Variants in CFAP57 observed in about 807,000 individuals in gnomAD.
The protein encoded by CFAP57 is cilia- and flagella-associated protein 57.
In CFAP57, 116 loss-of-function variants were observed where a neutral mutation model predicts 146.8. That is an observed-to-expected ratio of 0.79 (90% CI 0.68 to 0.92). The LOEUF (loss-of-function observed/expected upper bound fraction) is 0.92. Among genes scored for constraint, CFAP57 ranks in the 40% least tolerant of loss-of-function variants. The pLI, the probability that CFAP57 is intolerant of heterozygous loss-of-function variation, is 0.00. For missense variants in CFAP57, 1,377 were observed against 1,527.2 expected (o/e 0.90, Z 1.64); for synonymous variants, 518 against 552.8 (o/e 0.94, Z 0.88).
intron 21 of CFAP57, among the ~76,000 whole-genome samples, chr1:43,241,219 C>T (rs1353831461): frequency 6.6e-6 from 1 of 152,200 alleles, no homozygotes; most frequent in Non-Finnish European, 1.5e-5. Context: ...CCAAGCCCTT[C>T]ATGAGGAATC....
intron 2 of CFAP57, among the ~76,000 whole-genome samples, chr1:43,179,030 C>G (rs1388645631): frequency 6.6e-6 from 1 of 151,978 alleles, no homozygotes; most frequent in Non-Finnish European, 1.5e-5. Flanking sequence ...CAAACTGTCG[C>G]AAGGACAAAA....
At chr1:43,218,127 G>C (rs999402972) in intron 12 of CFAP57, among the ~76,000 whole-genome samples, 4 of 152,232 alleles carry the variant, frequency 2.6e-5, no homozygotes, top group Non-Finnish European at 5.9e-5. Context: ...TCGTTCACAG[G>C]TGGTAGAGGA....
chr1:43,204,990 T>A (rs781520304), intron 9 of CFAP57, among the ~76,000 whole-genome samples: 31 of 152,210 alleles, frequency 2.0e-4, no homozygotes, highest in Admixed American at 3.3e-4. Flanking sequence ...AGGCCCGTTG[T>A]GCCAGTGAGA....
At chr1:43,172,585 C>CAAGGGGAGGGGA (rs760304782) in intron 1 of CFAP57, 132 bp downstream of exon 1, 8 of 390,800 alleles carry the variant, frequency 2.0e-5, no homozygotes, top group African/African-American at 3.5e-5. Context: ...AGGGGAGGGA[C>CAAGGGGAGGGGA]AAGGGGAGGG....
intron 6 of CFAP57, among the ~76,000 whole-genome samples, chr1:43,192,743 G>C (rs7533042): frequency 0.18 from 27,355 of 151,232 alleles, 3,568 homozygotes; most frequent in African/African-American, 0.35. Context: ...TGACCAACAT[G>C]GCGAAACCCA....
chr1:43,250,453 AG>A (rs1484715768), intron 22 of CFAP57: 3 of 152,250 alleles, frequency 2.0e-5, no homozygotes, highest in African/African-American at 7.2e-5. Flanking sequence ...TGCTTAGAAC[AG>A]CAGCACAAAA....
chr1:43,232,430 T>A, intron 18 of CFAP57, 78 bp from the exon 19 acceptor site: 1 of 1,263,466 alleles, frequency 7.9e-7, no homozygotes, highest in Non-Finnish European at 1.1e-6. Context: ...GCATCCCCAC[T>A]GAAAGACTAC....
At chr1:43,221,829 C>T (rs1645056763) in intron 14 of CFAP57, among the ~76,000 whole-genome samples, 1 of 152,216 alleles carries the variant, frequency 6.6e-6, no homozygotes, top group Non-Finnish European at 1.5e-5. Context: ...TTTTCACACT[C>T]AGGATATTCT....
intron 13 of CFAP57, among the ~76,000 whole-genome samples, chr1:43,219,810 C>G (rs1048224146): frequency 2.6e-5 from 4 of 152,128 alleles, no homozygotes; most frequent in Non-Finnish European, 2.9e-5. Flanking sequence ...AATCCCATCT[C>G]TAGCCAGGCA....
At chr1:43,190,618 G>A (rs1012480770) in intron 6 of CFAP57, among the ~76,000 whole-genome samples, 1 of 151,886 alleles carries the variant, frequency 6.6e-6, no homozygotes, top group Non-Finnish European at 1.5e-5. Context: ...AGGTTTTTTT[G>A]AAGATACTGT....
At chr1:43,245,973 G>C (rs756215356) in intron 22 of CFAP57, among the ~76,000 whole-genome samples, 3 of 152,120 alleles carry the variant, frequency 2.0e-5, no homozygotes, top group Non-Finnish European at 4.4e-5. Context: ...GCATCAAAAA[G>C]AATAAAATAC....
intron 12 of CFAP57, among the ~76,000 whole-genome samples, chr1:43,219,150 G>A (rs1570179542): frequency 6.6e-6 from 1 of 152,340 alleles, no homozygotes; most frequent in East Asian, 1.9e-4. Flanking sequence ...AATGAGATGA[G>A]CGCATGACTA....
rs1367299154 is a variant in CFAP57 at position 43,222,253 on chromosome 1, T to G, written c.2490T>G (p.Phe830Leu). ...AGGCCCTGGAGGAGCTGACTGAGTTTTACGAGGCAAAACTGCAGGAGAAAA... is the reference window on the plus strand; with the variant it reads ...AGGCCCTGGAGGAGCTGACTGAGTTGTACGAGGCAAAACTGCAGGAGAAAA... ...KSQALEELTE[F>L]YEAKLQEKTT... Residue 830 changes from phenylalanine to leucine, a missense_variant, in exon 15 of 23, where the codon TTT (phenylalanine) becomes TTG (leucine). By Grantham distance (22) the Phe-to-Leu change is conservative (BLOSUM62 0). Coordinates refer to ENST00000372492, the MANE Select transcript of CFAP57 (RefSeq NM_001378189.1). 2.7e-6 allele frequency: 4 copies of G among 1,479,480 alleles called. No homozygotes were observed. Among genetic ancestry groups the G allele is most frequent in the Non-Finnish European group, 3.6e-6 (4 of 1,111,084 alleles). 91.6% of individuals were successfully genotyped at this position (1,479,480 alleles called of 1,614,324 possible). A position where few individuals can be genotyped will look rare whatever the true frequency, so the allele number is the denominator to read the frequency against.
chr1:43,227,057 A>C lies in CFAP57; in HGVS notation c.2940A>C (p.Ile980=). 1 of 1,544,574 alleles carries C rather than the reference A, an allele frequency of 6.5e-7. No homozygotes were observed. Among genetic ancestry groups the C allele is most frequent in the Non-Finnish European group, 8.7e-7 (1 of 1,144,490 alleles). Residue 980 remains isoleucine, a synonymous_variant, in exon 18 of 23, where the codon ATA becomes ATC. Transcript: ENST00000372492. ...GKFKFVLDYK[I]KELKKQIEPR... ...TCAAGTTTGTGCTTGACTACAAAATAAAGGAGCTGAAGAAGCAAATAGAAC... is the reference window on the plus strand; with the variant it reads ...TCAAGTTTGTGCTTGACTACAAAATCAAGGAGCTGAAGAAGCAAATAGAAC...
intron 6 of CFAP57, among the ~76,000 whole-genome samples, chr1:43,195,320 G>A (rs905541246): frequency 5.3e-5 from 8 of 152,074 alleles, no homozygotes; most frequent in East Asian, 1.9e-4. Flanking sequence ...TCAAGAGATC[G>A]AGACCATCCT....
Position 43,222,136 on chromosome 1 carries a change from A to G in CFAP57, c.2373A>G (p.Glu791=). The change falls in exon 15 of 23, where the codon GAA becomes GAG. Residue 791 remains glutamate (E), a synonymous_variant. Transcript: ENST00000372492. ...ECCNNQKLLL[E]YEKYQELQLK... ...GCAACAACCAAAAGTTGCTTCTAGA[A>G]TATGAGAAGTACCAGGAGCTGCAGC... is the stretch of plus-strand genomic sequence containing the variant. The G allele has an allele frequency of 6.5e-7, 1 of 1,548,334 alleles. No homozygotes were observed. Among genetic ancestry groups the G allele is most frequent in the Non-Finnish European group, 8.7e-7 (1 of 1,145,734 alleles).
chr1:43,195,256 G>T (rs767293122), intron 6 of CFAP57, among the ~76,000 whole-genome samples: 1 of 152,148 alleles, frequency 6.6e-6, no homozygotes, highest in Non-Finnish European at 1.5e-5. Context: ...AGGTGTGATG[G>T]CTCACACCTA....
At chr1:43,212,592 ATTG>A (rs1412869464) in intron 11 of CFAP57, among the ~76,000 whole-genome samples, 1 of 152,144 alleles carries the variant, frequency 6.6e-6, no homozygotes, top group Admixed American at 6.6e-5. Flanking sequence ...TATACAATAT[ATTG>A]TTGTTAACTA....
chr1:43,198,444 G>C (rs1429942615), intron 7 of CFAP57, 37 bp from the exon 8 acceptor site: 3 of 1,608,702 alleles, frequency 1.9e-6, no homozygotes, highest in Non-Finnish European at 2.5e-6. Context: ...GATTTAGTGA[G>C]CTAAGCTTAC....
Sources: allele counts gnomAD v4.1 joint callset (sites outside exome capture counted in the v4.1 genomes callset), GRCh38; gene constraint gnomAD v4.1.1; transcripts MANE v1.5; gene names NCBI Gene and HGNC (gene_info 2026-07-23, HGNC 2026-07-21).